The following SLC66A2 variants were observed in gnomAD, a reference collection of about 807,000 sequenced individuals.
SLC66A2 encodes PQ loop repeat containing 1.
A neutral mutation model predicts 25.5 loss-of-function variants in SLC66A2; 23 were observed. The observed-to-expected ratio is 0.90, with a 90% CI of 0.65 to 1.28. The LOEUF (loss-of-function observed/expected upper bound fraction) is 1.28, where lower values mean the gene tolerates loss of function less well. SLC66A2 is among the 50% of genes most tolerant of loss of function. The pLI is 0.00. For synonymous variants in SLC66A2, 193 were observed against 166.5 expected (o/e 1.16, Z -1.23); for missense variants, 396 against 373.1 (o/e 1.06, Z -0.51).
rs1987192185 is a variant in SLC66A2 at position 79,937,311 on chromosome 18, G to A, written c.338-3289C>T. On this transcript the variant is annotated intron_variant, in intron 3 of 5. Coordinates refer to ENST00000397778, the MANE Select transcript of SLC66A2 (RefSeq NM_025078.5). The surrounding 1 kb of genome is among the most constrained non-coding windows in gnomAD (Gnocchi z 5.4). ...CCTGTGTAGAAGCGAGACCCCTCAT[G>A]CTGGGTCGAAAGGGCCCAGCAGCAT... 6.6e-6 allele frequency among the ~76,000 whole-genome samples: 1 copy of A among 152,108 alleles called. No homozygotes were observed. The highest frequency in any genetic ancestry group is 1.5e-5 in the Non-Finnish European group (1 of 68,020).
At chr18:79,926,836 C>G (rs1986013026) in intron 4 of SLC66A2, among the ~76,000 whole-genome samples, 1 of 152,154 alleles carries the variant, frequency 6.6e-6, no homozygotes, top group African/African-American at 2.4e-5. Flanking sequence ...TACCACCACT[C>G]TAATTTTCCT....
At chr18:79,926,650 G>A (rs1985987141) in intron 4 of SLC66A2, among the ~76,000 whole-genome samples, 2 of 141,232 alleles carry the variant, frequency 1.4e-5, no homozygotes, top group Admixed American at 7.1e-5. Flanking sequence ...CTGCAGGGGA[G>A]GAAATTGCTC....
intron 4 of SLC66A2, among the ~76,000 whole-genome samples, chr18:79,923,424 T>G (rs1161198238): frequency 6.6e-6 from 1 of 151,980 alleles, no homozygotes; most frequent in East Asian, 1.9e-4. Flanking sequence ...AGGTGAGGGT[T>G]TAAGAGACTT....
intron 2 of SLC66A2, among the ~76,000 whole-genome samples, chr18:79,944,841 C>T (rs891806527): frequency 3.3e-5 from 5 of 151,958 alleles, no homozygotes; most frequent in African/African-American, 7.2e-5. Context: ...CCCCTTAACA[C>T]GAAGCAGAAG....
chr18:79,939,916 A>T (rs1175138265), intron 3 of SLC66A2, among the ~76,000 whole-genome samples: 1 of 152,232 alleles, frequency 6.6e-6, no homozygotes, highest in Non-Finnish European at 1.5e-5. Flanking sequence ...ACATGCACAC[A>T]TATGTTCACT....
rs372810540 is a variant in SLC66A2 at position 79,920,312 on chromosome 18, CA to C, written c.392-913del. 8.1e-4 allele frequency among the ~76,000 whole-genome samples: 5 copies of C among 6,146 alleles called. 1 individual carries two copies. The highest frequency in any genetic ancestry group is 0.038 in the East Asian group (2 of 52). The allele number at this position is 6,146 out of a possible 152,430, so 4.0% of individuals were successfully genotyped here. On this transcript the variant is annotated intron_variant, in intron 4 of 5. Transcript: ENST00000397778. ...AGAGGTCAAGGTCAGTGGGGAGAGA[CA>C]GGAACCGAGGGAGAGGTCAAGGTCA...
chr18:79,931,416 C>T (rs1599606478), intron 4 of SLC66A2, among the ~76,000 whole-genome samples: 2 of 152,098 alleles, frequency 1.3e-5, no homozygotes, highest in Admixed American at 1.3e-4. Flanking sequence ...ATGACACTAA[C>T]GTCAGAAGAC....
rs201323361 is a variant in SLC66A2 at position 79,919,376 on chromosome 18, T to A, written c.416A>T (p.Gln139Leu). ...CACGTAGTCCGAGAAGCTGCTCCAC[T>A]GCCAGAAGTGGTGGGGGTCGAAGTC... Reference protein sequence around the residue: ...FLDFDPHHFWQWSSFSDYVQC... With the variant: ...FLDFDPHHFWLWSSFSDYVQC... The change falls in exon 5 of 6, where the codon CAG becomes CTG. Residue 139 changes from glutamine to leucine, a missense_variant. By Grantham distance (113) the Gln-to-Leu change is moderately radical (BLOSUM62 -2). Coordinates refer to ENST00000397778, the MANE Select transcript of SLC66A2 (RefSeq NM_025078.5). 9.3e-6 allele frequency: 15 copies of A among 1,612,944 alleles called. No homozygotes were observed. The highest frequency in any genetic ancestry group is 1.3e-5 in the Non-Finnish European group (15 of 1,180,004).
rs958133989 is a variant in SLC66A2 at position 79,917,209 on chromosome 18, G to A, written c.608+1975C>T. On this transcript the variant is annotated intron_variant, in intron 5 of 5. Coordinates refer to ENST00000397778, the MANE Select transcript of SLC66A2 (RefSeq NM_025078.5). The surrounding 1 kb of genome is among the most constrained non-coding windows in gnomAD (Gnocchi z 6.0). Reference sequence around the variant, plus strand: ...CGCCTCGGCCAGCATCTGGAAACTCGGGTTTGAAGAGGATTCCCACGTCCC... The same window carrying A: ...CGCCTCGGCCAGCATCTGGAAACTCAGGTTTGAAGAGGATTCCCACGTCCC... Among the ~76,000 whole-genome samples the A allele has an allele frequency of 6.6e-6, 1 of 152,232 alleles. No homozygotes were observed. The highest frequency in any genetic ancestry group is 1.5e-5 in the Non-Finnish European group (1 of 68,028).
chr18:79,905,068 G>A (rs1006359530), intron 5 of SLC66A2, among the ~76,000 whole-genome samples: 16 of 152,308 alleles, frequency 1.1e-4, no homozygotes, highest in African/African-American at 3.8e-4. Context: ...TGTGTTCAGG[G>A]CTGGAGCTAG....
intron 5 of SLC66A2, among the ~76,000 whole-genome samples, chr18:79,916,262 A>ACCCGTG (rs1568302481): frequency 4.6e-5 from 2 of 43,346 alleles, no homozygotes; most frequent in African/African-American, 1.1e-4. Context: ...TCATAGCCGC[A>ACCCGTG]GTGCTCCCGT....
chr18:79,907,854 C>T (rs1982362573), intron 5 of SLC66A2, among the ~76,000 whole-genome samples: 1 of 152,034 alleles, frequency 6.6e-6, no homozygotes, highest in Non-Finnish European at 1.5e-5. Flanking sequence ...TAGTCCCCCA[C>T]AATAAGGGAT....
rs115495003 is a variant in SLC66A2, at chr18:79,902,881, C to T, written c.*1095G>A. On this transcript the variant is annotated 3_prime_UTR_variant, in exon 6 of 6. Coordinates refer to ENST00000397778, the MANE Select transcript of SLC66A2 (RefSeq NM_025078.5). ...GTGACAAGGGTCAGACTGGCGGCTC[C>T]CACTGCAGCCAGAAGTGAGGGAGCC... The T allele has an allele frequency of 5.9e-4, 91 of 153,014 alleles. No homozygotes were observed. The highest frequency in any genetic ancestry group is 1.1e-3 in the Non-Finnish European group (73 of 68,582). 9.5% of individuals were successfully genotyped at this position (153,014 alleles called of 1,614,324 possible). A position where few individuals can be genotyped will look rare whatever the true frequency, so the allele number is the denominator to read the frequency against.
At chr18:79,928,683 C>T (rs576538060) in intron 4 of SLC66A2, among the ~76,000 whole-genome samples, 3 of 152,324 alleles carry the variant, frequency 2.0e-5, no homozygotes, top group East Asian at 3.9e-4. Context: ...AAAAGCTCTA[C>T]TCCCAGCAGG....
At chr18:79,912,539 C>T (rs905212382) in intron 5 of SLC66A2, among the ~76,000 whole-genome samples, 30 of 152,140 alleles carry the variant, frequency 2.0e-4, no homozygotes, top group Admixed American at 4.6e-4. Flanking sequence ...CACCAGGCCA[C>T]GTGTCATCAG....
chr18:79,927,807 C>T lies in SLC66A2; in HGVS notation c.391+6162G>A, dbSNP rs1204254548. ...CGGCAAGGACAAATCAAGCAACTGC[C>T]GAGACAGGTGTCCGCGTCCCAACCC... On this transcript the variant is annotated intron_variant, in intron 4 of 5. Transcript: ENST00000397778. The surrounding 1 kb of genome is among the most constrained non-coding windows in gnomAD (Gnocchi z 6.2). Among the ~76,000 whole-genome samples, 3 of 152,176 alleles carry T rather than the reference C, an allele frequency of 2.0e-5. No homozygotes were observed. The highest frequency in any genetic ancestry group is 4.4e-5 in the Non-Finnish European group (3 of 68,030).
chr18:79,944,964 G>A (rs527269910), intron 2 of SLC66A2, among the ~76,000 whole-genome samples: 1 of 150,026 alleles, frequency 6.7e-6, no homozygotes, highest in East Asian at 2.0e-4. Context: ...GAAGCAGGGG[G>A]AACCCCACAG....
chr18:79,912,615 G>A (rs563923656), intron 5 of SLC66A2, among the ~76,000 whole-genome samples: 30 of 152,272 alleles, frequency 2.0e-4, no homozygotes, highest in South Asian at 8.3e-4. Flanking sequence ...GAGTGGCAGC[G>A]GGGGTGAGGA....
chr18:79,946,548 G>A (rs954372598), intron 2 of SLC66A2, among the ~76,000 whole-genome samples: 1 of 152,334 alleles, frequency 6.6e-6, no homozygotes, highest in East Asian at 1.9e-4. Context: ...AAGATACCTC[G>A]TCTAAGGTGG....
Sources: allele counts gnomAD v4.1 joint callset (sites outside exome capture counted in the v4.1 genomes callset), GRCh38; gene constraint gnomAD v4.1.1; non-coding constraint Gnocchi (gnomAD v3.1); transcripts MANE v1.5; gene names NCBI Gene and HGNC (gene_info 2026-07-23, HGNC 2026-07-21).